GFRA1: variants seen among roughly 807,000 people sequenced by gnomAD.
GFRA1 encodes GDNF family receptor alpha-1.
A neutral mutation model predicts 51.6 loss-of-function variants in GFRA1; 16 were observed. The observed-to-expected ratio is 0.31, with a 90% CI of 0.21 to 0.47. The LOEUF is 0.47. GFRA1 is among the 20% of genes least tolerant of loss of function. GFRA1 has a pLI of 1.00. For missense variants in GFRA1, 530 were observed against 594.3 expected (o/e 0.89, Z 1.13); for synonymous variants, 270 against 241.3 (o/e 1.12, Z -1.10).
chr10:116,162,822 A>G (rs909722999), intron 5 of GFRA1, among the ~76,000 whole-genome samples: 20 of 152,234 alleles, frequency 1.3e-4, no homozygotes, highest in African/African-American at 4.1e-4. Flanking sequence ...AAAAAGGACT[A>G]TGACTTAGAA....
intron 5 of GFRA1, among the ~76,000 whole-genome samples, chr10:116,153,856 T>A (rs971156513): frequency 6.6e-6 from 1 of 152,170 alleles, no homozygotes. Context: ...AAAGGACTTA[T>A]ATCCAGATTT....
chr10:116,225,388 A>C (rs2134522889), intron 4 of GFRA1, among the ~76,000 whole-genome samples: 1 of 151,712 alleles, frequency 6.6e-6, no homozygotes, highest in South Asian at 2.1e-4. Context: ...CACAAAAATT[A>C]GCTGGGTGTG....
chr10:116,213,005 G>T (rs899248854), intron 4 of GFRA1, among the ~76,000 whole-genome samples: 22 of 152,134 alleles, frequency 1.4e-4, no homozygotes, highest in African/African-American at 4.8e-4. Flanking sequence ...AAAGACAAAA[G>T]AACACCAGCA....
chr10:116,176,102 T>C (rs773614585), intron 5 of GFRA1, among the ~76,000 whole-genome samples: 2 of 152,218 alleles, frequency 1.3e-5, no homozygotes, highest in African/African-American at 4.8e-5. Flanking sequence ...TATGAACCTA[T>C]GCTTTTATAG....
intron 4 of GFRA1, among the ~76,000 whole-genome samples, chr10:116,226,277 T>C (rs547529998): frequency 1.3e-5 from 2 of 152,176 alleles, no homozygotes; most frequent in Non-Finnish European, 2.9e-5. Context: ...AATACTGGCA[T>C]GTCCCAAGTC....
At chr10:116,247,270 A>G (rs1226845044) in intron 4 of GFRA1, among the ~76,000 whole-genome samples, 1 of 152,142 alleles carries the variant, frequency 6.6e-6, no homozygotes, top group Non-Finnish European at 1.5e-5. Flanking sequence ...GGTCCCTTGA[A>G]TCTAACTGCT....
chr10:116,269,654 A>G, intron 3 of GFRA1, 68 bp from the exon 4 acceptor site: 1 of 896,624 alleles, frequency 1.1e-6, no homozygotes, highest in Non-Finnish European at 1.9e-6. Flanking sequence ...TTTGCTGCTG[A>G]ATCTGAATTC....
intron 4 of GFRA1, among the ~76,000 whole-genome samples, chr10:116,246,252 A>G (rs922389763): frequency 6.6e-6 from 1 of 152,182 alleles, no homozygotes; most frequent in African/African-American, 2.4e-5. Flanking sequence ...CAACACAGTG[A>G]AATCCTGTCT....
chr10:116,098,635 A>G (rs1184975512), intron 6 of GFRA1, among the ~76,000 whole-genome samples: 3 of 152,132 alleles, frequency 2.0e-5, no homozygotes, highest in Non-Finnish European at 4.4e-5. Context: ...TGGCAGCCCA[A>G]TGCTCCCGGC....
chr10:116,226,792 G>T, intron 4 of GFRA1: 1 of 414,328 alleles, frequency 2.4e-6, no homozygotes, highest in South Asian at 1.8e-5. Flanking sequence ...GCAACTAGAG[G>T]GTCCTACCTG....
Position 116,057,733 on chromosome 10 carries a change from T to C in GFRA1, c.*6665A>G, listed in dbSNP as rs575375304. 1 of 143,630 alleles carries C rather than the reference T, an allele frequency of 7.0e-6. No homozygotes were observed. Among genetic ancestry groups the C allele is most frequent in the South Asian group, 2.3e-4 (1 of 4,412 alleles). The allele number at this position is 143,630 out of a possible 1,614,324, so 8.9% of individuals were successfully genotyped here. A position where few individuals can be genotyped will look rare whatever the true frequency, so the allele number is the denominator to read the frequency against. On this transcript the variant is annotated 3_prime_UTR_variant, in exon 11 of 11. Transcript: ENST00000355422. ...GGCCCTGGATTCAGGTTTCTGAAACTGTTTTTTTTTTTTCAACCCTCGGAG... is the reference window on the plus strand; with the variant it reads ...GGCCCTGGATTCAGGTTTCTGAAACCGTTTTTTTTTTTTCAACCCTCGGAG...
chr10:116,134,858 C>G (rs4237492), intron 5 of GFRA1, among the ~76,000 whole-genome samples: 106,943 of 152,038 alleles, frequency 0.7, 38,459 homozygotes, highest in South Asian at 0.81. Context: ...CCTGCACCCT[C>G]TGCTGTGCAA....
intron 5 of GFRA1, among the ~76,000 whole-genome samples, chr10:116,138,488 C>T (rs187643348): frequency 1.3e-5 from 2 of 152,240 alleles, no homozygotes; most frequent in Admixed American, 1.3e-4. Context: ...TATATTCCGT[C>T]CTCATTCCAT....
intron 6 of GFRA1, among the ~76,000 whole-genome samples, chr10:116,103,681 T>C (rs886937746): frequency 2.0e-5 from 3 of 152,186 alleles, no homozygotes; most frequent in Non-Finnish European, 2.9e-5. Context: ...TAGAAAAACA[T>C]GCTGCTAATA....
rs1352616062 is a variant in GFRA1 at position 116,062,688 on chromosome 10, G to A, written c.*1710C>T. The stretch of plus-strand genomic sequence containing the variant: ...CAATGCTTCCCAGCACTTTCTGAAG[G>A]TGGAATCTCCTCCTCTTTACTTAAT... On this transcript the variant is annotated 3_prime_UTR_variant, in exon 11 of 11. Coordinates refer to ENST00000355422, the MANE Select transcript of GFRA1 (RefSeq NM_005264.8). 1.1e-4 allele frequency: 16 copies of A among 152,202 alleles called. No individual in the cohort carries two copies. The highest frequency in any genetic ancestry group is 1.0e-3 in the Admixed American group (16 of 15,280). 9.4% of individuals were successfully genotyped at this position (152,202 alleles called of 1,614,324 possible). A position where few individuals can be genotyped will look rare whatever the true frequency, so the allele number is the denominator to read the frequency against.
chr10:116,219,074 A>T (rs1965756423), intron 4 of GFRA1, among the ~76,000 whole-genome samples: 1 of 152,148 alleles, frequency 6.6e-6, no homozygotes, highest in South Asian at 2.1e-4. Context: ...TACCAACATC[A>T]ATCTTGGGCT....
intron 6 of GFRA1, among the ~76,000 whole-genome samples, chr10:116,109,528 C>T (rs997027462): frequency 6.6e-6 from 1 of 152,198 alleles, no homozygotes; most frequent in Admixed American, 6.5e-5. Flanking sequence ...GAGGGGAAAT[C>T]ATCTGGGCCT....
chr10:116,147,159 T>C (rs537082946), intron 5 of GFRA1, among the ~76,000 whole-genome samples: 46 of 152,306 alleles, frequency 3.0e-4, no homozygotes, highest in African/African-American at 1.0e-3. Context: ...ATTTGAAATG[T>C]TCCATTAAGA....
intron 6 of GFRA1, among the ~76,000 whole-genome samples, chr10:116,100,533 G>A (rs1956778563): frequency 6.6e-6 from 1 of 152,168 alleles, no homozygotes; most frequent in South Asian, 2.1e-4. Context: ...AGTAGTGATG[G>A]GAAAATATGC....
Sources: allele counts gnomAD v4.1 joint callset (sites outside exome capture counted in the v4.1 genomes callset), GRCh38; gene constraint gnomAD v4.1.1; transcripts MANE v1.5; gene names NCBI Gene and HGNC (gene_info 2026-07-23, HGNC 2026-07-21).